IL1RAPL2: variants seen among roughly 807,000 people sequenced by gnomAD.
The protein encoded by IL1RAPL2 is X-linked interleukin-1 receptor accessory protein-like 2.
Under a neutral mutation model 44.1 loss-of-function variants are expected in IL1RAPL2, and 3 were observed. That is an observed-to-expected ratio of 0.07 (90% confidence interval 0.03 to 0.18). IL1RAPL2 has a LOEUF of 0.18. IL1RAPL2 is among the 10% of genes least tolerant of loss of function. The probability of loss-of-function intolerance (pLI) is 1.00; values close to 1 mark genes in which losing one functional copy is unlikely to be tolerated. For missense variants in IL1RAPL2, 391 were observed against 496.4 expected (o/e 0.79, Z 2.02); for synonymous variants, 181 against 178.8 (o/e 1.01, Z -0.10).
chrX:105,493,644 A>G lies in IL1RAPL2; in HGVS notation c.772+9257A>G, dbSNP rs766186847. Reference sequence around the variant, plus strand: ...ATTTATACAACTTGTCCCAGCTAGTAAGCAGCTTGAAAGTAGTGAAGCTAA... The same window carrying G: ...ATTTATACAACTTGTCCCAGCTAGTGAGCAGCTTGAAAGTAGTGAAGCTAA... On this transcript the variant is annotated intron_variant, in intron 6 of 10. Transcript: ENST00000372582. Among the ~76,000 whole-genome samples, 187 of 111,239 alleles carry G rather than the reference A, an allele frequency of 1.7e-3. 2 individuals are homozygous for G. Among genetic ancestry groups the G allele is most frequent in the African/African-American group, 5.9e-3 (180 of 30,574 alleles).
At chrX:105,216,408 G>A (rs911535059) in intron 3 of IL1RAPL2, among the ~76,000 whole-genome samples, 39 of 109,050 alleles carry the variant, frequency 3.6e-4, no homozygotes, top group African/African-American at 6.0e-4. Flanking sequence ...TACAAGGGGC[G>A]TCTTCAAGGA....
At chrX:105,650,798 G>T (rs1242943160) in intron 6 of IL1RAPL2, among the ~76,000 whole-genome samples, 1 of 112,011 alleles carries the variant, frequency 8.9e-6, no homozygotes, top group African/African-American at 3.2e-5. Flanking sequence ...AGTTGGTAAA[G>T]CTTCCTGTGT....
At chrX:104,915,965 A>G (rs1195572617) in intron 2 of IL1RAPL2, among the ~76,000 whole-genome samples, 2 of 112,017 alleles carry the variant, frequency 1.8e-5, no homozygotes, top group South Asian at 3.7e-4. Flanking sequence ...TCTTTTGGTT[A>G]CTGTAGCCTT....
intron 2 of IL1RAPL2, among the ~76,000 whole-genome samples, chrX:105,081,294 C>T (rs2032402875): frequency 1.8e-5 from 2 of 111,513 alleles, no homozygotes; most frequent in African/African-American, 6.5e-5. Context: ...TTGTCTTCTG[C>T]TGGTTTTCAA....
chrX:104,712,088 GT>G (rs1302580005), intron 2 of IL1RAPL2, among the ~76,000 whole-genome samples: 1 of 111,096 alleles, frequency 9.0e-6, no homozygotes, highest in African/African-American at 3.3e-5. Flanking sequence ...ATCAGCTGCT[GT>G]AATACTGGCT....
chrX:105,454,099 C>T (rs1453480921), intron 5 of IL1RAPL2, among the ~76,000 whole-genome samples: 1 of 111,234 alleles, frequency 9.0e-6, no homozygotes, highest in Non-Finnish European at 1.9e-5. Context: ...AGCTCAGAAC[C>T]AAGAGAGACT....
intron 2 of IL1RAPL2, among the ~76,000 whole-genome samples, chrX:105,091,562 T>G (rs1380747604): frequency 9.0e-6 from 1 of 111,622 alleles, no homozygotes; most frequent in Non-Finnish European, 1.9e-5. Context: ...CCCTACCAGA[T>G]GTACATGTAG....
At chrX:104,956,698 T>G (rs1385921042) in intron 2 of IL1RAPL2, among the ~76,000 whole-genome samples, 1 of 111,110 alleles carries the variant, frequency 9.0e-6, no homozygotes, top group Non-Finnish European at 1.9e-5. Flanking sequence ...TTCTGTGGCT[T>G]TCTTCATAGC....
At chrX:105,582,059 T>G (rs1268576764) in intron 6 of IL1RAPL2, among the ~76,000 whole-genome samples, 1 of 111,187 alleles carries the variant, frequency 9.0e-6, no homozygotes, top group Non-Finnish European at 1.9e-5. Flanking sequence ...TCATCTGCCA[T>G]ATTTGTTGCA....
chrX:105,229,420 G>A (rs782373177), intron 3 of IL1RAPL2, among the ~76,000 whole-genome samples: 1 of 111,899 alleles, frequency 8.9e-6, no homozygotes, highest in Non-Finnish European at 1.9e-5. Context: ...TTCATACTAG[G>A]ACTTGTTCAT....
chrX:105,148,709 G>T (rs1232848128), intron 2 of IL1RAPL2, among the ~76,000 whole-genome samples: 1 of 111,612 alleles, frequency 9.0e-6, no homozygotes, highest in East Asian at 2.8e-4. Context: ...CATAGGTCTT[G>T]CTATTATCTC....
chrX:105,099,159 C>T (rs2032638966), intron 2 of IL1RAPL2, among the ~76,000 whole-genome samples: 1 of 111,869 alleles, frequency 8.9e-6, no homozygotes, highest in South Asian at 3.7e-4. Context: ...ACAAAGAGTC[C>T]CACACATAAT....
intron 6 of IL1RAPL2, among the ~76,000 whole-genome samples, chrX:105,591,704 A>G (rs911885393): frequency 1.8e-5 from 2 of 111,384 alleles, no homozygotes; most frequent in African/African-American, 6.5e-5. Context: ...AGGTTGTTTA[A>G]TTTTCATGTA....
intron 6 of IL1RAPL2, among the ~76,000 whole-genome samples, chrX:105,695,207 A>C (rs1327571696): frequency 1.8e-5 from 2 of 112,075 alleles, no homozygotes; most frequent in Non-Finnish European, 3.8e-5. Flanking sequence ...AACTTATTCT[A>C]ATTTTTTGTC....
chrX:104,907,168 T>C (rs1360789075), intron 2 of IL1RAPL2, among the ~76,000 whole-genome samples: 1 of 111,778 alleles, frequency 8.9e-6, no homozygotes, highest in Non-Finnish European at 1.9e-5. Context: ...TCATTTTTTA[T>C]TGCATCTATT....
At chrX:105,354,230 T>G (rs1448188784) in intron 5 of IL1RAPL2, among the ~76,000 whole-genome samples, 1 of 110,669 alleles carries the variant, frequency 9.0e-6, no homozygotes, top group African/African-American at 3.3e-5. Context: ...GTATTCACAA[T>G]AGCAAAGACT....
intron 2 of IL1RAPL2, among the ~76,000 whole-genome samples, chrX:104,759,441 G>A (rs1001887635): frequency 1.8e-5 from 2 of 111,611 alleles, no homozygotes; most frequent in Admixed American, 1.9e-4. Context: ...ATGGAATTAG[G>A]ATAATACCTG....
chrX:104,832,327 G>A (rs1366442769), intron 2 of IL1RAPL2, among the ~76,000 whole-genome samples: 1 of 111,297 alleles, frequency 9.0e-6, no homozygotes, highest in East Asian at 2.8e-4. Context: ...TGATTGTGAT[G>A]TTTCAGAAAT....
chrX:105,011,033 T>C (rs1446721951), intron 2 of IL1RAPL2, among the ~76,000 whole-genome samples: 1 of 110,132 alleles, frequency 9.1e-6, no homozygotes, highest in East Asian at 2.9e-4. Context: ...AGGGGTAAAA[T>C]TTACTTGGAA....
Sources: gnomAD v4.1 joint callset for allele counts (sites outside exome capture counted in the v4.1 genomes callset) on GRCh38, gnomAD v4.1.1 for gene constraint, MANE v1.5 for transcripts, NCBI Gene and HGNC (gene_info 2026-07-23, HGNC 2026-07-21) for gene names.